The following IL12RB2 variants were observed in gnomAD, a reference collection of about 807,000 sequenced individuals.
IL12RB2 encodes the protein interleukin 12 receptor subunit beta 2.
IL12RB2 carries 82 observed loss-of-function variants against 89.4 expected under a neutral mutation model. The ratio of observed to expected loss-of-function variants is 0.92; its 90% CI spans 0.77 to 1.10. The LOEUF (loss-of-function observed/expected upper bound fraction) is 1.10. IL12RB2 is among the 50% of genes least tolerant of loss of function. The probability of loss-of-function intolerance (pLI) is 0.00; values close to 1 mark genes in which losing one functional copy is unlikely to be tolerated. For missense variants in IL12RB2, 963 were observed against 1,031.9 expected (o/e 0.93, Z 0.92); for synonymous variants, 368 against 370.1 (o/e 0.99, Z 0.07).
At chr1:67,390,608 A>G (rs1031476742) in intron 16 of IL12RB2, among the ~76,000 whole-genome samples, 2 of 152,082 alleles carry the variant, frequency 1.3e-5, no homozygotes, top group African/African-American at 2.4e-5. Flanking sequence ...AGAAGCCAGT[A>G]CATCATTCCA....
intron 14 of IL12RB2, among the ~76,000 whole-genome samples, chr1:67,381,977 C>T (rs1249482216): frequency 6.6e-6 from 1 of 151,966 alleles, no homozygotes; most frequent in East Asian, 1.9e-4. Context: ...CAGAGCGAGA[C>T]TCTGTCTCAA....
At chr1:67,338,872 G>A (rs1659190010) in intron 9 of IL12RB2, 169 bp downstream of exon 9, 1 of 639,574 alleles carries the variant, frequency 1.6e-6, no homozygotes, top group South Asian at 1.8e-5. Flanking sequence ...AGGGGTGAGA[G>A]CTGAGTTCCT....
intron 16 of IL12RB2, among the ~76,000 whole-genome samples, chr1:67,394,715 G>A (rs1321343960): frequency 6.6e-6 from 1 of 152,088 alleles, no homozygotes; most frequent in African/African-American, 2.4e-5. Context: ...TCCTATTTCT[G>A]AAGCCTCGGG....
At chr1:67,311,024 G>A (rs1190419177) in intron 1 of IL12RB2, among the ~76,000 whole-genome samples, 1 of 149,884 alleles carries the variant, frequency 6.7e-6, no homozygotes, top group Non-Finnish European at 1.5e-5. Flanking sequence ...CGTCCGTCCA[G>A]TAGGTGCTGT....
intron 9 of IL12RB2, among the ~76,000 whole-genome samples, chr1:67,339,466 GAC>G (rs1659273364): frequency 6.8e-6 from 1 of 146,822 alleles, no homozygotes; most frequent in South Asian, 2.1e-4. Flanking sequence ...GAGCTTGGGT[GAC>G]AGAGTGAGAC....
chr1:67,330,083 T>C (rs1003387203), intron 7 of IL12RB2, among the ~76,000 whole-genome samples: 2 of 152,188 alleles, frequency 1.3e-5, no homozygotes, highest in Non-Finnish European at 2.9e-5. Flanking sequence ...GAGAGTTATA[T>C]AGAATTTAAT....
intron 14 of IL12RB2, among the ~76,000 whole-genome samples, chr1:67,384,037 C>T (rs760306527): frequency 1.4e-4 from 22 of 152,184 alleles, no homozygotes; most frequent in Non-Finnish European, 2.8e-4. Context: ...GTGGATCTAC[C>T]ATTCTAGGGT....
intron 2 of IL12RB2, among the ~76,000 whole-genome samples, 165 bp downstream of exon 2, chr1:67,314,165 G>A: frequency 6.6e-6 from 1 of 152,274 alleles, no homozygotes; most frequent in South Asian, 2.1e-4. Flanking sequence ...TGTTGGAGGG[G>A]AAGGGAGCAG....
intron 2 of IL12RB2, among the ~76,000 whole-genome samples, chr1:67,316,059 A>G (rs1044739782): frequency 2.6e-5 from 4 of 152,236 alleles, no homozygotes; most frequent in Non-Finnish European, 5.9e-5. Flanking sequence ...TAGAAGTAAA[A>G]TAGATGAACA....
intron 9 of IL12RB2, among the ~76,000 whole-genome samples, chr1:67,341,759 T>C (rs2100774300): frequency 6.6e-6 from 1 of 152,294 alleles, no homozygotes; most frequent in South Asian, 2.1e-4. Flanking sequence ...GATTAAGTCC[T>C]TTTCTGTCAA....
intron 15 of IL12RB2, among the ~76,000 whole-genome samples, chr1:67,387,865 T>C (rs1198040358): frequency 2.0e-5 from 3 of 152,008 alleles, no homozygotes; most frequent in East Asian, 3.9e-4. Context: ...TTTGGTTATA[T>C]ATAATATAAA....
intron 8 of IL12RB2, among the ~76,000 whole-genome samples, chr1:67,331,838 CATAA>C (rs72150017): frequency 0.17 from 25,839 of 151,530 alleles, 2,256 homozygotes; most frequent in Middle Eastern, 0.24. Context: ...GACTGCATCT[CATAA>C]ATAAATAAAT....
chr1:67,314,844 T>G (rs1304168048), intron 2 of IL12RB2, among the ~76,000 whole-genome samples: 1 of 17,658 alleles, frequency 5.7e-5, no homozygotes, highest in Non-Finnish European at 1.5e-4. Flanking sequence ...CCCACCCCCA[T>G]CCCCGATCTG....
intron 14 of IL12RB2, among the ~76,000 whole-genome samples, chr1:67,384,155 G>A (rs1230877959): frequency 6.6e-6 from 1 of 152,190 alleles, no homozygotes; most frequent in African/African-American, 2.4e-5. Flanking sequence ...TCTAGCAGAG[G>A]TTCTCCATAA....
intron 15 of IL12RB2, among the ~76,000 whole-genome samples, chr1:67,387,244 T>A (rs1010278269): frequency 6.6e-6 from 1 of 151,934 alleles, no homozygotes; most frequent in Non-Finnish European, 1.5e-5. Context: ...CTATTATAGA[T>A]GTCTGCAGAT....
intron 8 of IL12RB2, among the ~76,000 whole-genome samples, chr1:67,336,752 G>T (rs2100729340): frequency 6.6e-6 from 1 of 152,366 alleles, no homozygotes; most frequent in Middle Eastern, 3.4e-3. Context: ...CACCTGCACG[G>T]TGCAGAGCCA....
Position 67,372,480 on chromosome 1 carries a change from C to T in IL12RB2, c.1504C>T (p.Leu502Phe), listed in dbSNP as rs1570114923. The T allele has an allele frequency of 1.2e-6, 2 of 1,604,054 alleles. No homozygotes were observed. Among genetic ancestry groups the T allele is most frequent in the Non-Finnish European group, 1.7e-6 (2 of 1,170,794 alleles). ...CTGTTATGAAATCCGTGTGTATGCACTCTCAGGGGATCAAGGAGGATGCAG... is the reference window on the plus strand; with the variant it reads ...CTGTTATGAAATCCGTGTGTATGCATTCTCAGGGGATCAAGGAGGATGCAG... ...YICYEIRVYA[L>F]SGDQGGCSSI... Residue 502 changes from leucine to phenylalanine, a missense_variant, in exon 12 of 17, where the codon CTC (leucine) becomes TTC (phenylalanine). Physicochemically the swap from Leu to Phe is conservative, Grantham distance 22. Coordinates refer to ENST00000674203, the MANE Select transcript of IL12RB2 (RefSeq NM_001374259.2).
chr1:67,346,649 G>A lies in IL12RB2; in HGVS notation c.1039-4221G>A, dbSNP rs543585755. On this transcript the variant is annotated intron_variant, in intron 9 of 16. Transcript: ENST00000674203. ...GATTTGCCCACCTCAGCCTCCCAAA[G>A]TGCTGGGATTACAGGTGTGAGCCAC... Among the ~76,000 whole-genome samples, 387 of 152,264 alleles carry A rather than the reference G, an allele frequency of 2.5e-3. 2 individuals carry two copies. Among genetic ancestry groups the A allele is most frequent in the African/African-American group, 8.8e-3 (367 of 41,538 alleles).
At chr1:67,319,589 G>A (rs148258947) in intron 2 of IL12RB2, among the ~76,000 whole-genome samples, 1 of 152,088 alleles carries the variant, frequency 6.6e-6, no homozygotes, top group South Asian at 2.1e-4. Context: ...AAACTACTCT[G>A]TATGGTATGA....
Sources: allele counts gnomAD v4.1 joint callset (sites outside exome capture counted in the v4.1 genomes callset), GRCh38; gene constraint gnomAD v4.1.1; transcripts MANE v1.5; gene names NCBI Gene and HGNC (gene_info 2026-07-23, HGNC 2026-07-21).